LAMP2: variants seen among roughly 807,000 people sequenced by gnomAD.
The protein encoded by LAMP2 is lysosome associated membrane protein 2, also known as lysosome-associated membrane glycoprotein 2.
LAMP2 carries 4 observed loss-of-function variants against 25.6 expected under a neutral mutation model. The ratio of observed to expected loss-of-function variants is 0.16; its 90% CI spans 0.08 to 0.36. The LOEUF is 0.36. Among genes scored for constraint, LAMP2 ranks in the 10% least tolerant of loss-of-function variants. The pLI, the probability that LAMP2 is intolerant of heterozygous loss-of-function variation, is 1.00. For missense variants in LAMP2, 272 were observed against 301.4 expected, an observed-to-expected ratio of 0.90 and a Z score of 0.72; for synonymous variants, 108 against 112.7, an observed-to-expected ratio of 0.96 and a Z score of 0.27.
intron 4 of LAMP2, 139 bp downstream of exon 4, chrX:120,448,831 C>T (rs1410345132): frequency 1.9e-6 from 1 of 522,011 alleles, no homozygotes; most frequent in Non-Finnish European, 3.2e-6. Flanking sequence ...CTATTATTTA[C>T]AAAAACTTTA....
rs776510193 is a variant in LAMP2, at chrX:120,429,120, G to GTA, written c.*2201_*2202dup. On this transcript the variant is annotated 3_prime_UTR_variant, in exon 9 of 9. Coordinates refer to ENST00000200639, the MANE Select transcript of LAMP2 (RefSeq NM_002294.3). ...TATATGTGTATATATATGTATATGT[G>GTA]TATATATATGTGTGTGTGTATATAT... 2.9e-5 allele frequency: 17 copies of GTA among 590,864 alleles called. No individual in the cohort carries two copies. The highest frequency in any genetic ancestry group is 9.9e-4 in the Middle Eastern group (1 of 1,009). 48.7% of individuals were successfully genotyped at this position (590,864 alleles called of 1,213,427 possible). A position where few individuals can be genotyped will look rare whatever the true frequency, so the allele number is the denominator to read the frequency against.
rs763861761 is a variant in LAMP2 at position 120,430,470 on chromosome X, C to T, written c.*853G>A. 2.1e-3 allele frequency: 1,614 copies of T among 751,214 alleles called. 3 individuals carry two copies. Among genetic ancestry groups the T allele is most frequent in the Non-Finnish European group, 2.4e-3 (1,536 of 637,289 alleles). 61.9% of individuals were successfully genotyped at this position (751,214 alleles called of 1,213,427 possible). On this transcript the variant is annotated 3_prime_UTR_variant, in exon 9 of 9. Transcript: ENST00000200639. ...AGATCAACAAGATGAGGTAGAGAAA[C>T]ACAACACAATCTGTCCTAATTAGTT... is the stretch of plus-strand genomic sequence containing the variant.
chrX:120,436,760 T>C (rs1299034670), intron 8 of LAMP2: 2 of 707,506 alleles, frequency 2.8e-6, no homozygotes, highest in Non-Finnish European at 3.3e-6. Flanking sequence ...CTATAGGAAA[T>C]AATAGTGTAA....
chrX:120,443,179 A>C (rs755759398), intron 6 of LAMP2, among the ~76,000 whole-genome samples: 1 of 111,998 alleles, frequency 8.9e-6, no homozygotes, highest in South Asian at 3.7e-4. Context: ...TAAGATAAAC[A>C]CATAAACAAC....
chrX:120,444,032 GAAAGA>G (rs1198903133), intron 6 of LAMP2, among the ~76,000 whole-genome samples: 14 of 100,853 alleles, frequency 1.4e-4, no homozygotes, highest in African/African-American at 4.4e-4. Flanking sequence ...AGGAAGGAAG[GAAAGA>G]AAAGAAAAGA....
chrX:120,446,634 G>A (rs1455011215), intron 5 of LAMP2, among the ~76,000 whole-genome samples: 2 of 110,675 alleles, frequency 1.8e-5, no homozygotes, highest in Non-Finnish European at 3.8e-5. Flanking sequence ...AAAAACAAGA[G>A]GGAAGCTTCT....
chrX:120,449,850 G>A (rs1384933157), intron 3 of LAMP2, among the ~76,000 whole-genome samples: 1 of 111,219 alleles, frequency 9.0e-6, no homozygotes, highest in African/African-American at 3.3e-5. Flanking sequence ...ACTTTTCAGG[G>A]AAGCCACTTA....
intron 3 of LAMP2, among the ~76,000 whole-genome samples, chrX:120,450,140 AGAT>A (rs2058615219): frequency 8.9e-6 from 1 of 112,396 alleles, no homozygotes; most frequent in Non-Finnish European, 1.9e-5. Context: ...TTACATTTAA[AGAT>A]GATTCCATTT....
intron 8 of LAMP2, among the ~76,000 whole-genome samples, chrX:120,433,777 TA>T (rs1369533228): frequency 8.9e-6 from 1 of 111,932 alleles, no homozygotes; most frequent in African/African-American, 3.3e-5. Flanking sequence ...CAGGGACTGA[TA>T]AATCAGATAA....
chrX:120,437,723 C>G, intron 8 of LAMP2: 1 of 747,144 alleles, frequency 1.3e-6, no homozygotes. Flanking sequence ...AGCACAGAAC[C>G]ATTTAAATGT....
Position 120,428,288 on chromosome X carries a change from G to T in LAMP2, c.*3035C>A. 1 of 396,353 alleles carries T rather than the reference G, an allele frequency of 2.5e-6. No individual in the cohort carries two copies. The allele number at this position is 396,353 out of a possible 1,213,427, so 32.7% of individuals were successfully genotyped here. A position where few individuals can be genotyped will look rare whatever the true frequency, so the allele number is the denominator to read the frequency against. ...TTCTTTTAATTATACTTTAACAAAG[G>T]AAGAAAAAAAACAGAAAAAAATTGG... On this transcript the variant is annotated 3_prime_UTR_variant, in exon 9 of 9. Transcript: ENST00000200639.
chrX:120,445,058 C>T (rs1242122963), intron 6 of LAMP2, among the ~76,000 whole-genome samples: 1 of 112,179 alleles, frequency 8.9e-6, no homozygotes, highest in Non-Finnish European at 1.9e-5. Context: ...AATCATGTTC[C>T]TTTTAGGAGT....
At chrX:120,450,219 G>A (rs1289563080) in intron 3 of LAMP2, among the ~76,000 whole-genome samples, 1 of 111,715 alleles carries the variant, frequency 9.0e-6, no homozygotes, top group Non-Finnish European at 1.9e-5. Flanking sequence ...ATTAGCCTGT[G>A]TATAGTGAAA....
intron 6 of LAMP2, 72 bp downstream of exon 6, chrX:120,446,233 C>T (rs1883046710): frequency 2.0e-6 from 2 of 991,934 alleles, no homozygotes; most frequent in South Asian, 3.8e-5. Context: ...CCCCCTCCCC[C>T]CATGCAACTA....
chrX:120,436,088 G>A (rs1275084652), intron 8 of LAMP2, among the ~76,000 whole-genome samples: 2 of 107,615 alleles, frequency 1.9e-5, no homozygotes, highest in African/African-American at 6.8e-5. Flanking sequence ...CTAGATCACT[G>A]GTTCCCTAAC....
intron 3 of LAMP2, among the ~76,000 whole-genome samples, chrX:120,453,782 T>C (rs1308719050): frequency 4.4e-5 from 5 of 112,408 alleles, no homozygotes; most frequent in Non-Finnish European, 9.4e-5. Flanking sequence ...CACTCCAGCC[T>C]GGGCGACAGA....
chrX:120,434,866 T>C (rs2147274827), intron 8 of LAMP2, among the ~76,000 whole-genome samples: 1 of 112,120 alleles, frequency 8.9e-6, no homozygotes, highest in Admixed American at 9.5e-5. Flanking sequence ...CAGCGTTTCA[T>C]GCCTATAATA....
intron 2 of LAMP2, 50 bp from the exon 3 acceptor site, chrX:120,455,620 C>T: frequency 2.0e-6 from 2 of 980,820 alleles, no homozygotes; most frequent in Non-Finnish European, 2.9e-6. Context: ...CAGCAAGGAA[C>T]ACCAAGCATT....
chrX:120,437,715 C>T, intron 8 of LAMP2: 1 of 746,708 alleles, frequency 1.3e-6, no homozygotes. Context: ...TTTTGATTAG[C>T]ACAGAACCAT....
Sources: gnomAD v4.1 joint callset for allele counts (sites outside exome capture counted in the v4.1 genomes callset) on GRCh38, gnomAD v4.1.1 for gene constraint, MANE v1.5 for transcripts, NCBI Gene and HGNC (gene_info 2026-07-23, HGNC 2026-07-21) for gene names.